The following UAP1 variants were observed in gnomAD, a reference collection of about 807,000 sequenced individuals.
UAP1 encodes UDP-N-acetylglucosamine pyrophosphorylase 1.
UAP1 carries 25 observed loss-of-function variants against 58.5 expected under a neutral mutation model. The observed-to-expected ratio is 0.43, with a 90% CI of 0.31 to 0.60. The LOEUF is 0.60. Among genes scored for constraint, UAP1 ranks in the 20% least tolerant of loss-of-function variants. UAP1 has a pLI of 0.11. For synonymous variants in UAP1, 208 were observed against 213.0 expected (o/e 0.98, Z 0.21); for missense variants, 575 against 630.0 (o/e 0.91, Z 0.93).
chr1:162,570,041 C>G (rs550047759), intron 2 of UAP1, among the ~76,000 whole-genome samples: 7 of 151,016 alleles, frequency 4.6e-5, no homozygotes, highest in Non-Finnish European at 8.8e-5. Flanking sequence ...CCCAGCTACT[C>G]GGGAGGCTGA....
intron 4 of UAP1, among the ~76,000 whole-genome samples, chr1:162,580,868 C>T (rs547261214): frequency 5.3e-5 from 8 of 152,110 alleles, no homozygotes; most frequent in Non-Finnish European, 1.0e-4. Context: ...AAAATACTTA[C>T]GTATTTTTGA....
chr1:162,573,814 A>T (rs1654010757), intron 2 of UAP1, among the ~76,000 whole-genome samples: 1 of 152,038 alleles, frequency 6.6e-6, no homozygotes, highest in Admixed American at 6.5e-5. Context: ...AAATACAAAA[A>T]TTAGCTAAGT....
intron 9 of UAP1, 61 bp downstream of exon 9, chr1:162,592,843 C>T: frequency 7.0e-7 from 1 of 1,434,994 alleles, no homozygotes; most frequent in Non-Finnish European, 9.6e-7. Context: ...TCCATACTAA[C>T]TGGCATCGTA....
chr1:162,587,330 A>C, intron 5 of UAP1, 145 bp from the exon 6 acceptor site: 1 of 684,042 alleles, frequency 1.5e-6, no homozygotes, highest in Middle Eastern at 4.2e-4. Flanking sequence ...AAAGATGGAT[A>C]GTTGATTGTC....
At chr1:162,592,181 T>G (rs1276646581) in intron 8 of UAP1, among the ~76,000 whole-genome samples, 1 of 152,116 alleles carries the variant, frequency 6.6e-6, no homozygotes, top group Non-Finnish European at 1.5e-5. Context: ...GCAGATTACC[T>G]GAGGTTCAAG....
chr1:162,562,579 A>C (rs1256130127), intron 1 of UAP1: 1 of 152,108 alleles, frequency 6.6e-6, no homozygotes, highest in Non-Finnish European at 1.5e-5. Context: ...TGAAATCTGA[A>C]ATCAGGTAAT....
intron 3 of UAP1, among the ~76,000 whole-genome samples, chr1:162,578,864 C>G (rs1654375619): frequency 6.6e-6 from 1 of 152,276 alleles, no homozygotes; most frequent in East Asian, 1.9e-4. Flanking sequence ...AGTTTACATT[C>G]TAGTAAGGGC....
At position 162,573,963 on chromosome 1, in the gene UAP1, C is replaced by CA. The variant is rs1269276563; in HGVS notation, c.281-2803dup. On this transcript the variant is annotated intron_variant, in intron 2 of 10. Transcript: ENST00000271469. ...TGGGTGACAGTGTGAGACTCTGTCT[C>CA]AAAAAAAAAAAGAAGAAATAGCTGG... is the stretch of plus-strand genomic sequence containing the variant. Among the ~76,000 whole-genome samples the CA allele has an allele frequency of 3.0e-3, 401 of 131,740 alleles. 1 individual carries two copies. Among genetic ancestry groups the CA allele is most frequent in the African/African-American group, 9.2e-3 (328 of 35,578 alleles). 86.4% of individuals were successfully genotyped at this position (131,740 alleles called of 152,430 possible).
chr1:162,587,870 C>A (rs960969265), intron 6 of UAP1: 1 of 499,974 alleles, frequency 2.0e-6, no homozygotes. Context: ...GGAGCCCATT[C>A]CCCAGCGCAT....
At chr1:162,568,635 T>A (rs1653674820) in intron 2 of UAP1, among the ~76,000 whole-genome samples, 1 of 152,250 alleles carries the variant, frequency 6.6e-6, no homozygotes, top group Non-Finnish European at 1.5e-5. Context: ...TATGTCCTTG[T>A]GAATGAAGAG....
intron 1 of UAP1, among the ~76,000 whole-genome samples, chr1:162,564,042 A>G (rs555679992): frequency 6.6e-6 from 1 of 152,350 alleles, no homozygotes; most frequent in Admixed American, 6.5e-5. Flanking sequence ...GGGAAAGACT[A>G]CATTCCTTGG....
chr1:162,591,985 AC>A (rs1655343466), intron 8 of UAP1, among the ~76,000 whole-genome samples: 3 of 152,280 alleles, frequency 2.0e-5, no homozygotes, highest in African/African-American at 7.2e-5. Flanking sequence ...CTTCACTGGC[AC>A]CTAGAATTTC....
chr1:162,574,959 C>T (rs998594834), intron 2 of UAP1, among the ~76,000 whole-genome samples: 5 of 152,116 alleles, frequency 3.3e-5, no homozygotes, highest in African/African-American at 4.8e-5. Context: ...ATTCAACTGG[C>T]AAAAATTGAC....
chr1:162,564,331 C>G (rs928362609), intron 1 of UAP1, among the ~76,000 whole-genome samples: 38 of 152,048 alleles, frequency 2.5e-4, no homozygotes, highest in African/African-American at 9.2e-4. Flanking sequence ...ATAAGGTAAC[C>G]GAGGCATGGG....
At chr1:162,567,943 G>T (rs1051170344) in intron 2 of UAP1, among the ~76,000 whole-genome samples, 1 of 151,946 alleles carries the variant, frequency 6.6e-6, no homozygotes, top group African/African-American at 2.4e-5. Flanking sequence ...TTACAGGTTC[G>T]TACCACCATG....
intron 2 of UAP1, among the ~76,000 whole-genome samples, chr1:162,575,602 T>A (rs1250686791): frequency 6.6e-6 from 1 of 151,956 alleles, no homozygotes; most frequent in East Asian, 1.9e-4. Context: ...TGGCTAATTT[T>A]TGTATTTTTA....
At chr1:162,587,640 A>C in exon 6 of UAP1, 1 of 1,613,832 alleles carries the variant, frequency 6.2e-7, no homozygotes, top group Non-Finnish European at 8.5e-7. Flanking sequence ...CCATTTCTTC[A>C]CTGTACCATT....
intron 8 of UAP1, among the ~76,000 whole-genome samples, chr1:162,591,186 A>G (rs1036481518): frequency 3.9e-5 from 6 of 152,058 alleles, no homozygotes; most frequent in African/African-American, 1.4e-4. Context: ...TGGCCTCCCA[A>G]AATGCTGGGA....
intron 8 of UAP1, among the ~76,000 whole-genome samples, chr1:162,592,075 TG>T (rs1655349397): frequency 1.3e-5 from 2 of 152,224 alleles, no homozygotes; most frequent in Admixed American, 1.3e-4. Flanking sequence ...ACGGATAAGA[TG>T]GCTGGCTGCA....
Sources: gnomAD v4.1 joint callset for allele counts (sites outside exome capture counted in the v4.1 genomes callset) on GRCh38, gnomAD v4.1.1 for gene constraint, MANE v1.5 for transcripts, NCBI Gene and HGNC (gene_info 2026-07-23, HGNC 2026-07-21) for gene names.